GNAI1: variants seen among roughly 807,000 people sequenced by gnomAD.
GNAI1 encodes the protein guanine nucleotide-binding protein G(i) subunit alpha-1.
Under a neutral mutation model 38.9 loss-of-function variants are expected in GNAI1, and 11 were observed. The observed-to-expected ratio is 0.28, with a 90% CI of 0.18 to 0.47. The LOEUF is 0.47. Among genes scored for constraint, GNAI1 ranks in the 20% least tolerant of loss-of-function variants. The pLI, the probability that GNAI1 is intolerant of heterozygous loss-of-function variation, is 0.99. For synonymous variants in GNAI1, 166 were observed against 145.1 expected, an observed-to-expected ratio of 1.14 and a Z score of -1.04; for missense variants, 317 against 436.9, an observed-to-expected ratio of 0.73 and a Z score of 2.45.
intron 1 of GNAI1, among the ~76,000 whole-genome samples, chr7:80,145,610 A>G (rs1787606093): frequency 6.6e-6 from 1 of 152,176 alleles, no homozygotes; most frequent in African/African-American, 2.4e-5. Flanking sequence ...AGCTTGAAAA[A>G]GTGTCTGTTA....
At chr7:80,153,191 G>A (rs1791016343) in intron 1 of GNAI1, among the ~76,000 whole-genome samples, 2 of 152,126 alleles carry the variant, frequency 1.3e-5, no homozygotes, top group Non-Finnish European at 2.9e-5. Context: ...CAAGAGGGCA[G>A]TTAAATTAAT....
At chr7:80,183,239 C>T (rs1242206768) in intron 1 of GNAI1, among the ~76,000 whole-genome samples, 1 of 152,068 alleles carries the variant, frequency 6.6e-6, no homozygotes, top group African/African-American at 2.4e-5. Context: ...TTCATTTCAA[C>T]AGGGAGAATT....
At chr7:80,214,948 A>G (rs961591766) in intron 7 of GNAI1, among the ~76,000 whole-genome samples, 2 of 152,152 alleles carry the variant, frequency 1.3e-5, no homozygotes, top group African/African-American at 2.4e-5. Flanking sequence ...CTGCTTGAAC[A>G]TACATGTTTT....
Position 80,222,418 on chromosome 7 carries a change from G to A in GNAI1, c.*4925G>A, listed in dbSNP as rs118021686. Among the ~76,000 whole-genome samples the A allele has an allele frequency of 8.4e-6, 1 of 119,684 alleles. No homozygotes were observed. The highest frequency in any genetic ancestry group is 3.2e-5 in the African/African-American group (1 of 30,902). 78.5% of individuals were successfully genotyped at this position (119,684 alleles called of 152,430 possible). On this transcript the variant is annotated 3_prime_UTR_variant, in exon 8 of 8. Coordinates refer to ENST00000649796, the MANE Select transcript of GNAI1 (RefSeq NM_002069.6). ...TTTTTTTTTCCTGAGACAGAGTTTC[G>A]TTCTTGTTTCCCAGGCTGGAGCGCA...
chr7:80,199,443 C>A, intron 4 of GNAI1, 61 bp downstream of exon 4: 1 of 1,253,300 alleles, frequency 8.0e-7, no homozygotes, highest in South Asian at 1.6e-5. Flanking sequence ...GTCAAATATA[C>A]TTCCAAGTCA....
chr7:80,212,833 A>G lies in GNAI1; in HGVS notation c.838A>G (p.Lys280Glu). Reference protein sequence around the residue: ...KKDLFEEKIKKSPLTICYPEY... With the variant: ...KKDLFEEKIKESPLTICYPEY... ...GGATCTCTTTGAAGAAAAAATCAAA[A>G]AGAGCCCTCTCACTATATGCTATCC... Residue 280 changes from lysine to glutamate, a missense_variant, in exon 7 of 8, where the codon AAG becomes GAG. Physicochemically the swap from Lys to Glu is moderately conservative, Grantham distance 56. This residue lies in a region of GNAI1 where 158 missense variants were observed against 234.7 expected (regional missense o/e 0.67). Transcript: ENST00000649796. 6.3e-7 allele frequency: 1 copy of G among 1,584,486 alleles called. No homozygotes were observed. Among genetic ancestry groups the G allele is most frequent in the Non-Finnish European group, 8.6e-7 (1 of 1,167,782 alleles).
At chr7:80,138,597 T>C (rs1006902971) in intron 1 of GNAI1, among the ~76,000 whole-genome samples, 1 of 152,236 alleles carries the variant, frequency 6.6e-6, no homozygotes, top group African/African-American at 2.4e-5. Context: ...GCAGTAAGAT[T>C]AAGCTTATGC....
intron 1 of GNAI1, among the ~76,000 whole-genome samples, chr7:80,164,418 A>G (rs1787979598): frequency 6.7e-6 from 1 of 150,304 alleles, no homozygotes; most frequent in South Asian, 2.1e-4. Flanking sequence ...GCTGGAGTGC[A>G]GTGGTGTAAT....
intron 1 of GNAI1, among the ~76,000 whole-genome samples, chr7:80,172,863 A>G (rs567871758): frequency 3.9e-5 from 6 of 152,312 alleles, no homozygotes; most frequent in African/African-American, 1.2e-4. Flanking sequence ...GCATAATATT[A>G]GAAGTTTTTT....
intron 7 of GNAI1, among the ~76,000 whole-genome samples, chr7:80,215,134 A>G (rs1237221857): frequency 6.6e-6 from 1 of 152,150 alleles, no homozygotes; most frequent in African/African-American, 2.4e-5. Context: ...ACCTTTGTTC[A>G]GGACAATTCT....
In GNAI1 at chr7:80,220,554, C is replaced by T. The variant is rs1276159491; in HGVS notation, c.*3061C>T. On this transcript the variant is annotated 3_prime_UTR_variant, in exon 8 of 8. Transcript: ENST00000649796. ...AGTGAGCCAATCATTGTCCCAGTTGCCATTCTTAAAGTCCCTAAGGCGCTT... is the reference window on the plus strand; with the variant it reads ...AGTGAGCCAATCATTGTCCCAGTTGTCATTCTTAAAGTCCCTAAGGCGCTT... Among the ~76,000 whole-genome samples, 1 of 152,136 alleles carries T rather than the reference C, an allele frequency of 6.6e-6. No individual in the cohort carries two copies. Among genetic ancestry groups the T allele is most frequent in the Non-Finnish European group, 1.5e-5 (1 of 68,026 alleles).
At chr7:80,143,120 G>A (rs1787554765) in intron 1 of GNAI1, among the ~76,000 whole-genome samples, 1 of 152,182 alleles carries the variant, frequency 6.6e-6, no homozygotes, top group Admixed American at 6.5e-5. Context: ...TTCCTATGTG[G>A]TGAGGATGAT....
chr7:80,196,351 A>G (rs1446462011), intron 3 of GNAI1, among the ~76,000 whole-genome samples: 2 of 151,952 alleles, frequency 1.3e-5, no homozygotes, highest in Non-Finnish European at 2.9e-5. Flanking sequence ...AAACTGCTTT[A>G]TTAACCTGTT....
chr7:80,201,173 G>A (rs868043512), intron 4 of GNAI1, among the ~76,000 whole-genome samples: 2 of 152,136 alleles, frequency 1.3e-5, no homozygotes, highest in African/African-American at 4.8e-5. Context: ...ATACTTACAG[G>A]AAGAACACAA....
chr7:80,183,724 A>G (rs572554334), intron 1 of GNAI1, among the ~76,000 whole-genome samples: 59 of 152,258 alleles, frequency 3.9e-4, no homozygotes, highest in African/African-American at 1.3e-3. Context: ...AAAATTTCCT[A>G]TGCTACCCCC....
intron 1 of GNAI1, among the ~76,000 whole-genome samples, chr7:80,176,356 A>T (rs1788181748): frequency 6.6e-6 from 1 of 152,246 alleles, no homozygotes; most frequent in African/African-American, 2.4e-5. Flanking sequence ...TGCAAGGTAA[A>T]GCAGCAAGTG....
chr7:80,204,930 TAC>T (rs1788748071), intron 5 of GNAI1, among the ~76,000 whole-genome samples: 2 of 151,538 alleles, frequency 1.3e-5, no homozygotes, highest in African/African-American at 4.9e-5. Flanking sequence ...TATTTAAAAA[TAC>T]AGATGTTCCT....
chr7:80,211,803 G>GT (rs1788879312), intron 6 of GNAI1, among the ~76,000 whole-genome samples: 1 of 152,142 alleles, frequency 6.6e-6, no homozygotes, highest in Non-Finnish European at 1.5e-5. Flanking sequence ...TGGGGGAAAT[G>GT]TTTTTAAATA....
chr7:80,195,467 A>G (rs1395782814), intron 3 of GNAI1, among the ~76,000 whole-genome samples: 1 of 151,918 alleles, frequency 6.6e-6, no homozygotes, highest in African/African-American at 2.4e-5. Flanking sequence ...ACATGTATGT[A>G]TTCCTTAAAG....
Sources: gnomAD v4.1 joint callset for allele counts (sites outside exome capture counted in the v4.1 genomes callset) on GRCh38, gnomAD v4.1.1 for gene constraint, gnomAD v4.1.1 regional missense constraint, MANE v1.5 for transcripts, NCBI Gene and HGNC (gene_info 2026-07-23, HGNC 2026-07-21) for gene names.